The following CLPX variants were observed in gnomAD, a reference collection of about 807,000 sequenced individuals.
CLPX encodes ATP-dependent clpX-like chaperone, mitochondrial.
In CLPX, 34 loss-of-function variants were observed where a neutral mutation model predicts 76.4. The observed-to-expected ratio is 0.45, with a 90% CI of 0.34 to 0.59. The LOEUF (loss-of-function observed/expected upper bound fraction) is 0.59. CLPX is among the 20% of genes least tolerant of loss of function. The pLI, the probability that CLPX is intolerant of heterozygous loss-of-function variation, is 0.01. For missense variants in CLPX, 613 were observed against 757.0 expected, an observed-to-expected ratio of 0.81 and a Z score of 2.23; for synonymous variants, 248 against 270.9, an observed-to-expected ratio of 0.92 and a Z score of 0.83.
chr15:65,180,755 T>C (rs899448857), intron 1 of CLPX, among the ~76,000 whole-genome samples: 1 of 149,128 alleles, frequency 6.7e-6, no homozygotes, highest in Non-Finnish European at 1.5e-5. Flanking sequence ...TAAAAAAAAA[T>C]TGGCCACGCA....
chr15:65,163,996 A>T (rs1034580151), intron 5 of CLPX, 33 bp downstream of exon 5: 3 of 1,581,242 alleles, frequency 1.9e-6, no homozygotes, highest in African/African-American at 1.4e-5. Flanking sequence ...AAGCATAGCA[A>T]TCTCTATTTA....
intron 3 of CLPX, among the ~76,000 whole-genome samples, chr15:65,167,895 A>T (rs1051577582): frequency 2.6e-5 from 4 of 151,418 alleles, no homozygotes; most frequent in South Asian, 2.1e-4. Flanking sequence ...CTCAGAAAAA[A>T]ATATATATAT....
intron 1 of CLPX, among the ~76,000 whole-genome samples, chr15:65,183,777 A>G (rs2088214730): frequency 6.6e-6 from 1 of 152,210 alleles, no homozygotes. Flanking sequence ...TTCTTTGTCT[A>G]CTCCACTAGA....
intron 11 of CLPX, 133 bp from the exon 12 acceptor site, chr15:65,153,772 A>G (rs1044029074): frequency 7.3e-6 from 4 of 544,776 alleles, no homozygotes; most frequent in Admixed American, 7.8e-5. Flanking sequence ...GTTTCTATCA[A>G]TCCATGACAG....
At chr15:65,162,519 T>C (rs1246146708) in intron 6 of CLPX, 85 bp downstream of exon 6, 4 of 846,436 alleles carry the variant, frequency 4.7e-6, no homozygotes, top group South Asian at 1.5e-5. Context: ...TACATACATG[T>C]CTATCACTGT....
At chr15:65,168,540 C>T (rs1338434609) in intron 3 of CLPX, among the ~76,000 whole-genome samples, 5 of 136,614 alleles carry the variant, frequency 3.7e-5, no homozygotes, top group Non-Finnish European at 7.5e-5. Context: ...TAGATGGGAA[C>T]TGAACAATGA....
chr15:65,183,559 GGAAAGGAA>G (rs2088210982), intron 1 of CLPX, among the ~76,000 whole-genome samples: 2 of 149,138 alleles, frequency 1.3e-5, no homozygotes, highest in African/African-American at 2.5e-5. Context: ...CAGGAAGGAA[GGAAAGGAA>G]GGAAGGAAGG....
chr15:65,169,024 CTTT>C (rs779469503), intron 3 of CLPX, among the ~76,000 whole-genome samples: 10 of 135,438 alleles, frequency 7.4e-5, no homozygotes, highest in Admixed American at 1.5e-4. Flanking sequence ...CGCCTGCCTA[CTTT>C]TTTTTTTTTT....
chr15:65,158,498 C>T lies in CLPX; in HGVS notation c.892+77G>A, dbSNP rs138693235. ...TTCTCAAGAGCCGTAATACTTCAAT[C>T]GCAAGATACAGGTTATAGAATCATT... is the stretch of plus-strand genomic sequence containing the variant. On this transcript the variant is annotated intron_variant, in intron 7 of 13. Transcript: ENST00000300107. The T allele has an allele frequency of 1.3e-3, 1,627 of 1,232,334 alleles. 5 individuals carry two copies. The highest frequency in any genetic ancestry group is 4.2e-3 in the South Asian group (276 of 66,266). The allele number at this position is 1,232,334 out of a possible 1,614,324, so 76.3% of individuals were successfully genotyped here. A position where few individuals can be genotyped will look rare whatever the true frequency, so the allele number is the denominator to read the frequency against.
chr15:65,168,241 G>A (rs1408741523), intron 3 of CLPX, among the ~76,000 whole-genome samples: 1 of 150,948 alleles, frequency 6.6e-6, no homozygotes, highest in Non-Finnish European at 1.5e-5. Flanking sequence ...AAAATTAGCT[G>A]GGTGTGGTGG....
intron 2 of CLPX, among the ~76,000 whole-genome samples, chr15:65,179,305 A>G (rs1297312411): frequency 1.3e-5 from 2 of 152,212 alleles, no homozygotes; most frequent in Non-Finnish European, 2.9e-5. Context: ...TATAATAAAC[A>G]GCTTTCATTC....
rs1376893004 is a variant in CLPX, at chr15:65,164,094, T to C, written c.608A>G (p.Asn203Ser). ...CTGTCTCAGATTAGCTGGGATATTA[T>C]TATATATTCTCTTATAATGATTGTA... The part of the protein sequence containing the change: ...AVYNHYKRIY[N>S]NIPANLRQQA... Residue 203 changes from asparagine (N) to serine (S), a missense_variant, in exon 5 of 14, where the codon AAT becomes AGT. Transcript: ENST00000300107. 1 of 1,613,304 alleles carries C rather than the reference T, an allele frequency of 6.2e-7. No homozygotes were observed. Among genetic ancestry groups the C allele is most frequent in the African/African-American group, 1.3e-5 (1 of 75,018 alleles).
At chr15:65,183,054 C>T (rs1332026613) in intron 1 of CLPX, among the ~76,000 whole-genome samples, 1 of 151,560 alleles carries the variant, frequency 6.6e-6, no homozygotes, top group Non-Finnish European at 1.5e-5. Flanking sequence ...CCCCAGCTTA[C>T]TCAGGAGGCT....
intron 11 of CLPX, 90 bp from the exon 12 acceptor site, chr15:65,153,729 G>T (rs1217487297): frequency 1.4e-6 from 1 of 697,456 alleles, no homozygotes; most frequent in South Asian, 2.3e-5. Context: ...AATTTCTCAT[G>T]GTGTTTTGGA....
intron 1 of CLPX, among the ~76,000 whole-genome samples, chr15:65,182,130 A>AAAAG (rs1375906935): frequency 3.3e-5 from 5 of 151,702 alleles, no homozygotes; most frequent in Non-Finnish European, 7.4e-5. Context: ...AAAAAAAAAA[A>AAAAG]AAAGAAAGAA....
intron 3 of CLPX, among the ~76,000 whole-genome samples, chr15:65,177,918 C>A (rs1219484419): frequency 6.6e-6 from 1 of 152,030 alleles, no homozygotes; most frequent in East Asian, 1.9e-4. Context: ...TACCTCAGCC[C>A]CTAAGTAGCT....
At chr15:65,158,798 T>G (rs766982470) in intron 6 of CLPX, 47 bp from the exon 7 acceptor site, 32 of 1,462,752 alleles carry the variant, frequency 2.2e-5, no homozygotes, top group African/African-American at 4.3e-5. Context: ...TTGAATTTAC[T>G]TGAAGAAAAT....
At chr15:65,171,100 C>T (rs2087999240) in intron 3 of CLPX, among the ~76,000 whole-genome samples, 2 of 151,950 alleles carry the variant, frequency 1.3e-5, no homozygotes, top group South Asian at 4.1e-4. Context: ...GGATTACAGG[C>T]ATGAGCCACT....
chr15:65,159,155 T>C (rs191851788), intron 6 of CLPX, among the ~76,000 whole-genome samples: 2 of 152,180 alleles, frequency 1.3e-5, no homozygotes, highest in African/African-American at 2.4e-5. Context: ...TCCTAATCAA[T>C]AAAATCTACT....
Sources: gnomAD v4.1 joint callset for allele counts (sites outside exome capture counted in the v4.1 genomes callset) on GRCh38, gnomAD v4.1.1 for gene constraint, MANE v1.5 for transcripts, NCBI Gene and HGNC (gene_info 2026-07-23, HGNC 2026-07-21) for gene names.